ARHGAP15: variants seen among roughly 807,000 people sequenced by gnomAD.
ARHGAP15 encodes the protein rho GTPase-activating protein 15.
A neutral mutation model predicts 63.7 loss-of-function variants in ARHGAP15; 51 were observed. That is an observed-to-expected ratio of 0.80 (90% CI 0.64 to 1.01). ARHGAP15 has a LOEUF of 1.01. Among genes scored for constraint, ARHGAP15 ranks in the 50% least tolerant of loss-of-function variants. The pLI, the probability that ARHGAP15 is intolerant of heterozygous loss-of-function variation, is 0.00. For missense variants in ARHGAP15, 560 were observed against 564.6 expected (o/e 0.99, Z 0.08); for synonymous variants, 191 against 193.8 (o/e 0.99, Z 0.12).
At chr2:143,405,271 T>G (rs1215807848) in intron 6 of ARHGAP15, among the ~76,000 whole-genome samples, 1 of 24,688 alleles carries the variant, frequency 4.1e-5, no homozygotes, top group East Asian at 6.1e-4. Context: ...AAGCCAGGTG[T>G]TTTTTTTTTC....
chr2:143,263,914 T>C (rs866843479), intron 6 of ARHGAP15, among the ~76,000 whole-genome samples: 238 of 87,794 alleles, frequency 2.7e-3, no homozygotes, highest in African/African-American at 0.017. Context: ...AGTCTTTTTT[T>C]TTTTTTTTTT....
intron 8 of ARHGAP15, among the ~76,000 whole-genome samples, chr2:143,445,393 C>T (rs2105117943): frequency 6.6e-6 from 1 of 152,034 alleles, no homozygotes; most frequent in African/African-American, 2.4e-5. Flanking sequence ...GACCTCCTGA[C>T]CTCACGATCT....
chr2:143,543,280 T>C (rs1453558377), intron 10 of ARHGAP15, among the ~76,000 whole-genome samples: 1 of 152,192 alleles, frequency 6.6e-6, no homozygotes, highest in Non-Finnish European at 1.5e-5. Context: ...TTAATTTGCA[T>C]GTATCTGATG....
intron 2 of ARHGAP15, among the ~76,000 whole-genome samples, chr2:143,166,208 T>C (rs1405033187): frequency 1.3e-5 from 2 of 152,090 alleles, no homozygotes; most frequent in African/African-American, 2.4e-5. Flanking sequence ...CTTGCTGTTG[T>C]TATTTTCACC....
At chr2:143,400,008 A>G (rs536347831) in intron 6 of ARHGAP15, among the ~76,000 whole-genome samples, 3 of 152,116 alleles carry the variant, frequency 2.0e-5, no homozygotes, top group Non-Finnish European at 2.9e-5. Context: ...TCACATCAGC[A>G]CACACCCAAG....
At chr2:143,227,364 C>T (rs895094912) in intron 4 of ARHGAP15, among the ~76,000 whole-genome samples, 2 of 152,140 alleles carry the variant, frequency 1.3e-5, no homozygotes, top group African/African-American at 2.4e-5. Context: ...ATGTATTTTG[C>T]GTCTATTCTG....
chr2:143,317,198 TCCCCC>T (rs766788284), intron 6 of ARHGAP15, among the ~76,000 whole-genome samples: 6,841 of 152,194 alleles, frequency 0.045, no homozygotes, highest in Non-Finnish European at 0.066. Context: ...GTCTTTCTTG[TCCCCC>T]AGTGCCTATA....
chr2:143,210,765 C>T (rs1370106644), intron 3 of ARHGAP15, among the ~76,000 whole-genome samples: 1 of 152,116 alleles, frequency 6.6e-6, no homozygotes, highest in African/African-American at 2.4e-5. Flanking sequence ...TCAAGGACCT[C>T]TTTGAGAATT....
At position 143,323,701 on chromosome 2, in the gene ARHGAP15, C is replaced by T. The variant is rs372686329; in HGVS notation, c.474+73101C>T. ...CATGAGGTCAGGAGATCCGAGACCA[C>T]GGTGAAACCCTGTCTCTACTAAAAA... On this transcript the variant is annotated intron_variant, in intron 6 of 13. Transcript: ENST00000295095. 4.5e-4 allele frequency among the ~76,000 whole-genome samples: 69 copies of T among 151,664 alleles called. 3 individuals carry two copies. The South Asian group carries it at 8.1e-3, about 18-fold the overall frequency.
intron 12 of ARHGAP15, among the ~76,000 whole-genome samples, chr2:143,633,010 A>C (rs1680129622): frequency 6.6e-6 from 1 of 152,204 alleles, no homozygotes; most frequent in South Asian, 2.1e-4. Context: ...GTAAAGGTTC[A>C]TCACAAAGAA....
intron 11 of ARHGAP15, among the ~76,000 whole-genome samples, chr2:143,587,520 G>A (rs181264924): frequency 3.0e-4 from 46 of 151,978 alleles, no homozygotes; most frequent in Admixed American, 1.5e-3. Flanking sequence ...ACTGTGTTTC[G>A]GTCTTACTTC....
At chr2:143,425,488 A>G (rs926905046) in intron 6 of ARHGAP15, among the ~76,000 whole-genome samples, 1 of 151,892 alleles carries the variant, frequency 6.6e-6, no homozygotes, top group Non-Finnish European at 1.5e-5. Context: ...ATATATAGTG[A>G]TATATATATG....
intron 5 of ARHGAP15, among the ~76,000 whole-genome samples, chr2:143,235,246 T>G (rs1693597172): frequency 6.6e-6 from 1 of 151,758 alleles, no homozygotes; most frequent in Admixed American, 6.6e-5. Flanking sequence ...AGAGTTGTTT[T>G]TTTTTTTTTT....
intron 11 of ARHGAP15, among the ~76,000 whole-genome samples, chr2:143,557,015 G>A (rs948765466): frequency 3.9e-5 from 6 of 152,082 alleles, no homozygotes; most frequent in Non-Finnish European, 8.8e-5. Context: ...GCCAAGATGT[G>A]GAGCAACAGG....
intron 11 of ARHGAP15, among the ~76,000 whole-genome samples, chr2:143,592,375 A>G (rs961207501): frequency 3.3e-5 from 5 of 152,206 alleles, no homozygotes; most frequent in African/African-American, 1.2e-4. Flanking sequence ...TGCTATTCTT[A>G]GTTGACTATT....
chr2:143,515,601 C>A (rs577495057), intron 9 of ARHGAP15, among the ~76,000 whole-genome samples: 8 of 152,218 alleles, frequency 5.3e-5, no homozygotes, highest in African/African-American at 1.4e-4. Flanking sequence ...TCAGGGGAAA[C>A]AAATCTTTTG....
At chr2:143,713,173 G>GACTT (rs949101917) in intron 13 of ARHGAP15, among the ~76,000 whole-genome samples, 3 of 152,144 alleles carry the variant, frequency 2.0e-5, no homozygotes, top group Non-Finnish European at 4.4e-5. Flanking sequence ...AGTTTAATTG[G>GACTT]ACTTACAGTT....
At chr2:143,578,294 A>G (rs542582689) in intron 11 of ARHGAP15, among the ~76,000 whole-genome samples, 1 of 151,684 alleles carries the variant, frequency 6.6e-6, no homozygotes, top group East Asian at 1.9e-4. Context: ...AAAAAAAACT[A>G]TCATTAAAGC....
At chr2:143,368,035 A>C (rs1188736309) in intron 6 of ARHGAP15, among the ~76,000 whole-genome samples, 1 of 152,072 alleles carries the variant, frequency 6.6e-6, no homozygotes, top group Non-Finnish European at 1.5e-5. Flanking sequence ...GAGGTAATTA[A>C]CTGATAAGAA....
Sources: allele counts gnomAD v4.1 joint callset (sites outside exome capture counted in the v4.1 genomes callset), GRCh38; gene constraint gnomAD v4.1.1; transcripts MANE v1.5; gene names NCBI Gene and HGNC (gene_info 2026-07-23, HGNC 2026-07-21).